The following PIWIL4 variants were observed in gnomAD, a reference collection of about 807,000 sequenced individuals.
The protein encoded by PIWIL4 is piwi like RNA-mediated gene silencing 4.
A neutral mutation model predicts 100.9 loss-of-function variants in PIWIL4; 50 were observed. That is an observed-to-expected ratio of 0.50 (90% CI 0.39 to 0.63). PIWIL4 has a LOEUF of 0.63. Among genes scored for constraint, PIWIL4 ranks in the 20% least tolerant of loss-of-function variants. The pLI, the probability that PIWIL4 is intolerant of heterozygous loss-of-function variation, is 0.00. For synonymous variants in PIWIL4, 342 were observed against 367.5 expected (o/e 0.93, Z 0.79); for missense variants, 887 against 1,043.3 (o/e 0.85, Z 2.06).
rs1948089252 is a variant in PIWIL4, at chr11:94,567,417, C to CA, written c.-101dup. 1 of 1,082,190 alleles carries CA rather than the reference C, an allele frequency of 9.2e-7. No homozygotes were observed. The highest frequency in any genetic ancestry group is 1.3e-6 in the Non-Finnish European group (1 of 786,650). 67.0% of individuals were successfully genotyped at this position (1,082,190 alleles called of 1,614,324 possible). ...GTGGATGCTGGACATCCACCGCCTC[C>CA]AGGCAGTTTCGCCGTCACACCGTCG... On this transcript the variant is annotated 5_prime_UTR_variant, in exon 1 of 20. The change abolishes the stop of an existing upstream ORF in the 5' untranslated region. Coordinates refer to ENST00000299001, the MANE Select transcript of PIWIL4 (RefSeq NM_152431.3).
intron 15 of PIWIL4, among the ~76,000 whole-genome samples, chr11:94,612,162 C>T (rs1452847439): frequency 6.9e-6 from 1 of 144,584 alleles, no homozygotes; most frequent in Non-Finnish European, 1.5e-5. Context: ...AAGCTCCCTA[C>T]TATTATTGTA....
At position 94,621,171 on chromosome 11, in the gene PIWIL4, TG is replaced by T; in HGVS notation, c.*180del. The T allele has an allele frequency of 1.8e-6, 1 of 548,026 alleles. No individual in the cohort carries two copies. Among genetic ancestry groups the T allele is most frequent in the Non-Finnish European group, 3.2e-6 (1 of 308,808 alleles). The allele number at this position is 548,026 out of a possible 1,614,324, so 33.9% of individuals were successfully genotyped here. A position where few individuals can be genotyped will look rare whatever the true frequency, so the allele number is the denominator to read the frequency against. On this transcript the variant is annotated 3_prime_UTR_variant, in exon 20 of 20. Coordinates refer to ENST00000299001, the MANE Select transcript of PIWIL4 (RefSeq NM_152431.3). ...CAGTTTTAAAAAATGTGTGTTATTT[TG>T]TTTTAAAGAGTTGTATGCTTGGGGT...
At position 94,620,987 on chromosome 11, in the gene PIWIL4, C is replaced by A; in HGVS notation, c.2554C>A (p.Leu852Met). 1 of 1,605,810 alleles carries A rather than the reference C, an allele frequency of 6.2e-7. No homozygotes were observed. The highest frequency in any genetic ancestry group is 8.5e-7 in the Non-Finnish European group (1 of 1,172,792). The change falls in exon 20 of 20, where the codon CTG (leucine) becomes ATG (methionine). Residue 852 changes from leucine to methionine, a missense_variant. Coordinates refer to ENST00000299001, the MANE Select transcript of PIWIL4 (RefSeq NM_152431.3). ...SLELANHLFY[L>M] Reference sequence around the variant, plus strand: ...GGAATTAGCCAACCATCTCTTCTACCTGTGATGGCATGAACTACTGGCATC... The same window carrying A: ...GGAATTAGCCAACCATCTCTTCTACATGTGATGGCATGAACTACTGGCATC...
Position 94,587,252 on chromosome 11 carries a change from A to C in PIWIL4, c.914+5A>C, listed in dbSNP as rs751887057. On this transcript the variant is annotated splice_donor_5th_base_variant and intron_variant, in intron 7 of 19. Transcript: ENST00000299001. ...AGGGCTCATTGTCCTTACAAGGTAC[A>C]AGCCTGCGTCTAAATAAACTTTTCT... 3 of 1,607,966 alleles carry C rather than the reference A, an allele frequency of 1.9e-6. No homozygotes were observed. In the Admixed American group the frequency reaches 5.1e-5, roughly 27 times the overall value.
chr11:94,615,602 T>C (rs749553275), intron 15 of PIWIL4, among the ~76,000 whole-genome samples: 39 of 152,194 alleles, frequency 2.6e-4, no homozygotes, highest in Non-Finnish European at 5.0e-4. Context: ...TGTTCTGTTT[T>C]TTTTGTTTTG....
At chr11:94,569,197 GCAGCA>G (rs1287264225) in intron 2 of PIWIL4, among the ~76,000 whole-genome samples, 7 of 152,074 alleles carry the variant, frequency 4.6e-5, no homozygotes, top group Non-Finnish European at 5.9e-5. Flanking sequence ...TACGTTTATT[GCAGCA>G]CTATTCACAA....
chr11:94,604,127 C>A, intron 13 of PIWIL4, 71 bp downstream of exon 13: 2 of 889,884 alleles, frequency 2.2e-6, no homozygotes, highest in Non-Finnish European at 1.7e-6. Context: ...ACAGTCTGAA[C>A]ATACCCTCCC....
chr11:94,601,349 G>C (rs542511695), intron 11 of PIWIL4, among the ~76,000 whole-genome samples: 3 of 145,048 alleles, frequency 2.1e-5, no homozygotes, highest in East Asian at 4.2e-4. Flanking sequence ...CTGTTCTGTA[G>C]GGTGTGTTAG....
intron 8 of PIWIL4, among the ~76,000 whole-genome samples, chr11:94,591,372 G>C (rs1193396724): frequency 6.6e-6 from 1 of 152,180 alleles, no homozygotes; most frequent in African/African-American, 2.4e-5. Flanking sequence ...CTCTGACTTT[G>C]CTTTCTGTCA....
chr11:94,590,035 CTCTT>C (rs1006929092), intron 8 of PIWIL4, among the ~76,000 whole-genome samples: 2 of 152,232 alleles, frequency 1.3e-5, no homozygotes, highest in African/African-American at 4.8e-5. Context: ...AAAGCACCTT[CTCTT>C]TAATGTATAG....
chr11:94,571,105 T>G (rs1948145659), intron 2 of PIWIL4, among the ~76,000 whole-genome samples: 1 of 152,122 alleles, frequency 6.6e-6, no homozygotes, highest in African/African-American at 2.4e-5. Flanking sequence ...GTCCTGTGTA[T>G]GTACCCCTGT....
rs1591809895 is a variant in PIWIL4 at position 94,621,111 on chromosome 11, G to A, written c.*119G>A. The A allele has an allele frequency of 1.0e-4, 69 of 657,912 alleles. No homozygotes were observed. The East Asian group carries it at 1.9e-3, about 18-fold the overall frequency. 40.8% of individuals were successfully genotyped at this position (657,912 alleles called of 1,614,324 possible). Reference sequence around the variant, plus strand: ...GAAAAAGATTGAGCTTAGTTTTCATGTCTAGGAAAAAAAGCAAAACAACTT... The same window carrying A: ...GAAAAAGATTGAGCTTAGTTTTCATATCTAGGAAAAAAAGCAAAACAACTT... On this transcript the variant is annotated 3_prime_UTR_variant, in exon 20 of 20. Transcript: ENST00000299001.
At chr11:94,603,882 CTAG>C (rs1948679895) in intron 12 of PIWIL4, 99 bp from the exon 13 acceptor site, 1 of 676,960 alleles carries the variant, frequency 1.5e-6, no homozygotes, top group Non-Finnish European at 2.4e-6. Context: ...CCTAAAACTA[CTAG>C]TTTGTTATGA....
intron 4 of PIWIL4, 120 bp downstream of exon 4, chr11:94,577,612 T>A: frequency 1.2e-6 from 1 of 855,052 alleles, no homozygotes; most frequent in Non-Finnish European, 1.7e-6. Flanking sequence ...AAAATAGAAT[T>A]AAAAGGTAAG....
chr11:94,585,671 T>A (rs993533888), intron 6 of PIWIL4, 146 bp downstream of exon 6: 1 of 567,766 alleles, frequency 1.8e-6, no homozygotes. Flanking sequence ...CAAGTTTTTT[T>A]AATAAAATGG....
intron 12 of PIWIL4, among the ~76,000 whole-genome samples, chr11:94,603,324 C>A (rs1035305654): frequency 2.6e-5 from 4 of 152,134 alleles, no homozygotes; most frequent in Non-Finnish European, 5.9e-5. Flanking sequence ...CTTATATACA[C>A]ATAAAAGAGG....
At chr11:94,612,558 T>C (rs1423905053) in intron 15 of PIWIL4, among the ~76,000 whole-genome samples, 1 of 152,204 alleles carries the variant, frequency 6.6e-6, no homozygotes, top group Non-Finnish European at 1.5e-5. Flanking sequence ...TATTGATAAG[T>C]GATGACTCAC....
chr11:94,579,809 G>C (rs944689510), intron 4 of PIWIL4, among the ~76,000 whole-genome samples: 2 of 152,202 alleles, frequency 1.3e-5, no homozygotes, highest in Non-Finnish European at 2.9e-5. Flanking sequence ...CCTATGACCA[G>C]ATGTTGATAG....
Position 94,587,863 on chromosome 11 carries a change from C to T in PIWIL4, c.914+616C>T, listed in dbSNP as rs183390526. ...GTATATAAAATTTGCCCTCATTGCA[C>T]ATTGAGCTGAGTTAAACACGGAAAA... On this transcript the variant is annotated intron_variant, in intron 7 of 19. Transcript: ENST00000299001. Among the ~76,000 whole-genome samples, 819 of 152,306 alleles carry T rather than the reference C, an allele frequency of 5.4e-3. 6 individuals carry two copies. The highest frequency in any genetic ancestry group is 9.3e-3 in the Non-Finnish European group (633 of 68,032).
Sources: gnomAD v4.1 joint callset for allele counts (sites outside exome capture counted in the v4.1 genomes callset) on GRCh38, gnomAD v4.1.1 for gene constraint, MANE v1.5 for transcripts, NCBI Gene and HGNC (gene_info 2026-07-23, HGNC 2026-07-21) for gene names.